TRNT1: variants seen among roughly 807,000 people sequenced by gnomAD.
The protein encoded by TRNT1 is tRNA nucleotidyl transferase 1.
Under a neutral mutation model 45.6 loss-of-function variants are expected in TRNT1, and 44 were observed. That is an observed-to-expected ratio of 0.97 (90% CI 0.76 to 1.24). The LOEUF (loss-of-function observed/expected upper bound fraction) is 1.24, where lower values mean the gene tolerates loss of function less well. Ranked by LOEUF, TRNT1 falls within the 50% of genes most tolerant of loss-of-function variation. TRNT1 has a pLI of 0.00. For synonymous variants in TRNT1, 201 were observed against 171.4 expected (o/e 1.17, Z -1.35); for missense variants, 633 against 504.4 (o/e 1.25, Z -2.44).
chr3:3,149,599 G>GT (rs1163292553), downstream of TRNT1: 1 of 151,992 alleles, frequency 6.6e-6, no homozygotes, highest in African/African-American at 2.4e-5. Context: ...TTAGTGCAGT[G>GT]TAAGAACTAT....
intron 4 of TRNT1, among the ~76,000 whole-genome samples, chr3:3,141,601 GC>G (rs1456848540): frequency 1.3e-5 from 2 of 152,092 alleles, no homozygotes; most frequent in Non-Finnish European, 2.9e-5. Context: ...TTATATGGGG[GC>G]TAGATACGAA....
At chr3:3,137,238 A>G (rs201720779) in intron 2 of TRNT1, 22 bp from the exon 3 acceptor site, 114 of 1,552,160 alleles carry the variant, frequency 7.3e-5, no homozygotes, top group Non-Finnish European at 9.6e-5. Context: ...GGGAATAAAA[A>G]TCTTATTTTC....
downstream of TRNT1, chr3:3,150,895 T>C: frequency 6.2e-7 from 1 of 1,613,970 alleles, no homozygotes; most frequent in Non-Finnish European, 8.5e-7. Flanking sequence ...TGTCTGGACT[T>C]ATTTCATCTT....
chr3:3,150,992 TTCC>T, downstream of TRNT1: 1 of 1,614,028 alleles, frequency 6.2e-7, no homozygotes, highest in Non-Finnish European at 8.5e-7. Flanking sequence ...GGCCGTAAAC[TTCC>T]ATCCAATATG....
At chr3:3,150,525 T>C (rs1706450458), downstream of TRNT1, 1 of 211,174 alleles carries the variant, frequency 4.7e-6, no homozygotes. Flanking sequence ...AAGATTTTTT[T>C]TTTTTTTAAC....
intron 5 of TRNT1, 46 bp downstream of exon 5, chr3:3,144,756 T>A (rs775503215): frequency 6.9e-7 from 1 of 1,458,288 alleles, no homozygotes; most frequent in Non-Finnish European, 9.2e-7. Context: ...ATATCATGAC[T>A]AGAGCATAAC....
chr3:3,152,506 G>A, downstream of TRNT1: 1 of 1,613,842 alleles, frequency 6.2e-7, no homozygotes, highest in Non-Finnish European at 8.5e-7. Context: ...GATTCAAGTT[G>A]CAAGCCTTAT....
At chr3:3,137,564 CTT>C in intron 3 of TRNT1, 111 bp downstream of exon 3, 1 of 883,846 alleles carries the variant, frequency 1.1e-6, no homozygotes, top group Admixed American at 3.0e-5. Context: ...AAGTCAGTCT[CTT>C]CTATGCCCGT....
At chr3:3,149,028 TTATTTCAGCTGC>T (rs1706277776), downstream of TRNT1, 1 of 152,114 alleles carries the variant, frequency 6.6e-6, no homozygotes, top group African/African-American at 2.4e-5. Context: ...TACAAACTGT[TTATTTCAGCTGC>T]TATAATTTCA....
chr3:3,133,643 A>C (rs1705151402), intron 2 of TRNT1, among the ~76,000 whole-genome samples: 1 of 152,118 alleles, frequency 6.6e-6, no homozygotes, highest in Non-Finnish European at 1.5e-5. Flanking sequence ...AGCTAACAGC[A>C]TTAATGGATG....
At chr3:3,150,845 T>TTAG (rs1553558224), downstream of TRNT1, 1 of 1,607,956 alleles carries the variant, frequency 6.2e-7, no homozygotes, top group South Asian at 1.1e-5. Flanking sequence ...GTTAGATAAC[T>TTAG]TTATCTCTAT....
In TRNT1 at chr3:3,147,563, G is replaced by A; in HGVS notation, c.916G>A (p.Val306Ile). 1 of 1,613,960 alleles carries A rather than the reference G, an allele frequency of 6.2e-7. No individual in the cohort carries two copies. Among genetic ancestry groups the A allele is most frequent in the Non-Finnish European group, 8.5e-7 (1 of 1,179,888 alleles). The change falls in exon 7 of 8, where the codon GTC becomes ATC. Residue 306 changes from valine to isoleucine, a missense_variant. Physicochemically the swap from Val to Ile is conservative, Grantham distance 29. Transcript: ENST00000251607. ...CTCATTATTCAAAGTACAAGATGAT[G>A]TCACAAAATTGGATTTGAGGTTGAA... ...LASLFKVQDD[V>I]TKLDLRLKIA...
chr3:3,141,914 T>A (rs760935884), intron 4 of TRNT1, among the ~76,000 whole-genome samples: 4 of 152,240 alleles, frequency 2.6e-5, no homozygotes, highest in African/African-American at 4.8e-5. Context: ...CTTTATTTCA[T>A]TAAACTCTCA....
At chr3:3,146,868 T>G (rs1706064065) in intron 6 of TRNT1, among the ~76,000 whole-genome samples, 1 of 152,124 alleles carries the variant, frequency 6.6e-6, no homozygotes, top group Admixed American at 6.5e-5. Flanking sequence ...CTCAGCCCCT[T>G]ATCTAGTCTT....
At chr3:3,134,511 C>T (rs918901878) in intron 2 of TRNT1, among the ~76,000 whole-genome samples, 2 of 151,984 alleles carry the variant, frequency 1.3e-5, no homozygotes, top group South Asian at 2.1e-4. Context: ...TTGAACTTAT[C>T]GTTTTATTTT....
chr3:3,149,393 T>TAAAACCA (rs1239811126), downstream of TRNT1: 1 of 152,150 alleles, frequency 6.6e-6, no homozygotes, highest in Non-Finnish European at 1.5e-5. Context: ...TTGTCATGTG[T>TAAAACCA]AAAACCATTT....
downstream of TRNT1, chr3:3,152,633 T>C: frequency 6.2e-7 from 1 of 1,609,964 alleles, no homozygotes; most frequent in East Asian, 2.2e-5. Context: ...ACGAGAAGTC[T>C]AATTTTATTA....
rs766154756 is a variant in TRNT1 at position 3,144,580 on chromosome 3, A to AT, written c.482-3dup. 228 of 1,574,336 alleles carry AT rather than the reference A, an allele frequency of 1.4e-4. No individual in the cohort carries two copies. In the Middle Eastern group the frequency reaches 2.2e-3, roughly 15 times the overall value. On this transcript the variant is annotated splice_polypyrimidine_tract_variant and splice_region_variant and intron_variant, in intron 4 of 7. Transcript: ENST00000251607. Reference sequence around the variant, plus strand: ...ATTTTTCTCCCTCCTTTTCTAATGAATAGGTTTTGATGGCACTTTATTTGA... The same window carrying AT: ...ATTTTTCTCCCTCCTTTTCTAATGAATTAGGTTTTGATGGCACTTTATTTGA...
downstream of TRNT1, chr3:3,150,822 A>C (rs376231239): frequency 6.4e-7 from 1 of 1,566,108 alleles, no homozygotes; most frequent in Non-Finnish European, 8.7e-7. Context: ...AGATCTTAGA[A>C]TATAACCAAT....
Sources: allele counts gnomAD v4.1 joint callset (sites outside exome capture counted in the v4.1 genomes callset), GRCh38; gene constraint gnomAD v4.1.1; transcripts MANE v1.5; gene names NCBI Gene and HGNC (gene_info 2026-07-23, HGNC 2026-07-21).